The following FRAS1 variants were observed in gnomAD, a reference collection of about 807,000 sequenced individuals.
FRAS1 encodes extracellular matrix organizing protein FRAS1.
A neutral mutation model predicts 435.2 loss-of-function variants in FRAS1; 290 were observed. That is an observed-to-expected ratio of 0.67 (90% CI 0.61 to 0.73). The LOEUF is 0.73. Ranked by LOEUF, FRAS1 falls within the 30% of genes least tolerant of loss-of-function variation. The probability of loss-of-function intolerance (pLI) is 0.00; values close to 1 mark genes in which losing one functional copy is unlikely to be tolerated. For synonymous variants in FRAS1, 1,800 were observed against 1,851.0 expected (o/e 0.97, Z 0.71); for missense variants, 4,860 against 5,001.5 (o/e 0.97, Z 0.85).
intron 2 of FRAS1, among the ~76,000 whole-genome samples, chr4:78,199,125 T>C (rs1404975558): frequency 6.6e-6 from 1 of 152,178 alleles, no homozygotes; most frequent in Non-Finnish European, 1.5e-5. Flanking sequence ...TATTTTATGT[T>C]CCCCACCTCC....
At chr4:78,537,512 A>G (rs1292487743) in intron 72 of FRAS1, among the ~76,000 whole-genome samples, 2 of 152,242 alleles carry the variant, frequency 1.3e-5, no homozygotes, top group East Asian at 1.9e-4. Flanking sequence ...TACTTTCAAA[A>G]TAATATGATG....
intron 2 of FRAS1, among the ~76,000 whole-genome samples, chr4:78,155,593 C>T (rs1334460954): frequency 2.0e-5 from 3 of 152,130 alleles, no homozygotes; most frequent in Non-Finnish European, 4.4e-5. Flanking sequence ...ATACAGAAAC[C>T]CGTGGCATTC....
At chr4:78,228,076 G>A (rs1724349188) in intron 2 of FRAS1, among the ~76,000 whole-genome samples, 1 of 152,158 alleles carries the variant, frequency 6.6e-6, no homozygotes, top group Non-Finnish European at 1.5e-5. Flanking sequence ...GAATGATAAT[G>A]ATCTAGTGGA....
intron 2 of FRAS1, among the ~76,000 whole-genome samples, chr4:78,121,687 G>T (rs1000139281): frequency 6.6e-6 from 1 of 152,148 alleles, no homozygotes; most frequent in East Asian, 1.9e-4. Context: ...CTTTGGTTAC[G>T]CTTGAGCTCT....
intron 2 of FRAS1, among the ~76,000 whole-genome samples, chr4:78,122,750 T>C (rs780734512): frequency 1.1e-4 from 17 of 152,256 alleles, no homozygotes; most frequent in Non-Finnish European, 8.8e-5. Context: ...TTTTTTCATA[T>C]GTCTGTTGGC....
chr4:78,103,469 AAT>A (rs1192584488), intron 2 of FRAS1, among the ~76,000 whole-genome samples: 2 of 152,010 alleles, frequency 1.3e-5, no homozygotes, highest in Admixed American at 1.3e-4. Context: ...CTGGGGAGAG[AAT>A]AGAGAGGTGA....
intron 33 of FRAS1, among the ~76,000 whole-genome samples, chr4:78,421,004 G>C (rs1733768717): frequency 6.7e-6 from 1 of 150,090 alleles, no homozygotes; most frequent in Admixed American, 6.7e-5. Context: ...GAGGAGCAAG[G>C]ACAGGCAGTT....
At chr4:78,392,990 G>A (rs1273740270) in intron 29 of FRAS1, among the ~76,000 whole-genome samples, 2 of 149,384 alleles carry the variant, frequency 1.3e-5, no homozygotes, top group African/African-American at 4.9e-5. Context: ...TGATGAGTGG[G>A]AAGATTCATG....
intron 6 of FRAS1, chr4:78,264,772 G>A (rs761905332): frequency 1.5e-5 from 8 of 526,506 alleles, no homozygotes; most frequent in Non-Finnish European, 2.8e-5. Flanking sequence ...CATTATTATT[G>A]TTATTTGTGC....
chr4:78,400,468 A>C (rs1368136524), intron 29 of FRAS1, among the ~76,000 whole-genome samples: 2 of 152,224 alleles, frequency 1.3e-5, no homozygotes, highest in African/African-American at 2.4e-5. Context: ...GATGAAAGAA[A>C]GAAATGGAGA....
rs374210135 is a variant in FRAS1 at position 78,387,382 on chromosome 4, A to G, written c.3656A>G (p.Tyr1219Cys). ...NIQAFSTQAP[Y>C]VLRNEVLHIS... ...TTCCCTTCAACTCCACAGGCCCCCT[A>G]TGTGCTGAGAAATGAAGTTCTCCAC... The change falls in exon 29 of 74, where the codon TAT becomes TGT. Residue 1219 changes from tyrosine to cysteine, a missense_variant. Transcript: ENST00000512123. 2.9e-5 allele frequency: 46 copies of G among 1,605,780 alleles called. No individual in the cohort carries two copies. The highest frequency in any genetic ancestry group is 1.9e-4 in the African/African-American group (14 of 74,906).
chr4:78,160,189 A>G (rs73829476), intron 2 of FRAS1, among the ~76,000 whole-genome samples: 1,535 of 152,366 alleles, frequency 0.01, 23 homozygotes, highest in African/African-American at 0.034. Context: ...AAAAAGCCTA[A>G]GTAATGTGTT....
chr4:78,399,091 G>A (rs972676433), intron 29 of FRAS1, among the ~76,000 whole-genome samples: 15 of 152,162 alleles, frequency 9.9e-5, no homozygotes, highest in African/African-American at 3.1e-4. Flanking sequence ...TTTTTTACAC[G>A]TTTTTGATGT....
At position 78,479,628 on chromosome 4, in the gene FRAS1, G is replaced by A. The variant is rs377714950; in HGVS notation, c.8353G>A (p.Val2785Met). Residue 2785 changes from valine (V) to methionine (M), a missense_variant, in exon 56 of 74, where the codon GTG becomes ATG. Transcript: ENST00000512123. ...DASDNARIGR[V>M]ATAKVLISGP... ...CTCTGACAATGCCCGCATTGGAAGG[G>A]TGGCGACAGCCAAGGTGCTCATTAG... 2.5e-5 allele frequency: 40 copies of A among 1,613,784 alleles called. No individual in the cohort carries two copies. In the African/African-American group the frequency reaches 4.4e-4, roughly 18 times the overall value.
At chr4:78,346,496 A>G (rs1330883242) in intron 20 of FRAS1, among the ~76,000 whole-genome samples, 2 of 152,136 alleles carry the variant, frequency 1.3e-5, no homozygotes, top group African/African-American at 4.8e-5. Flanking sequence ...GGGCACATAT[A>G]TGATCACTGT....
Position 78,452,221 on chromosome 4 carries a change from G to A in FRAS1, c.6630G>A (p.Leu2210=). Residue 2210 remains leucine, a synonymous_variant, in exon 47 of 74, where the codon TTG becomes TTA. Coordinates refer to ENST00000512123, the MANE Select transcript of FRAS1 (RefSeq NM_025074.7). ...PVITTNKGLV[L]DENSVKKITT... ...TCACCACCAATAAAGGACTGGTCTT[G>A]GATGAAAACTCAGTGAAGAAAATCA... The A allele has an allele frequency of 6.2e-7, 1 of 1,613,792 alleles. No individual in the cohort carries two copies. The highest frequency in any genetic ancestry group is 8.5e-7 in the Non-Finnish European group (1 of 1,179,740).
chr4:78,304,714 C>G (rs926635576), intron 14 of FRAS1, among the ~76,000 whole-genome samples: 4 of 151,652 alleles, frequency 2.6e-5, no homozygotes, highest in African/African-American at 2.4e-5. Context: ...TGGTGATATC[C>G]CCTTTATCAT....
At chr4:78,312,859 A>AGAG (rs1553943110) in intron 15 of FRAS1, among the ~76,000 whole-genome samples, 3,113 of 121,636 alleles carry the variant, frequency 0.026, 148 homozygotes, top group African/African-American at 0.1. Context: ...GAAAGAAAGA[A>AGAG]AGAGAGAGAG....
At chr4:78,356,397 T>A (rs1280998825) in intron 20 of FRAS1, among the ~76,000 whole-genome samples, 1 of 152,162 alleles carries the variant, frequency 6.6e-6, no homozygotes, top group East Asian at 1.9e-4. Flanking sequence ...ACCACTGATT[T>A]GGCCAAATTC....
Sources: allele counts gnomAD v4.1 joint callset (sites outside exome capture counted in the v4.1 genomes callset), GRCh38; gene constraint gnomAD v4.1.1; transcripts MANE v1.5; gene names NCBI Gene and HGNC (gene_info 2026-07-23, HGNC 2026-07-21).